The following DCC variants were observed in gnomAD, a reference collection of about 807,000 sequenced individuals.
DCC encodes the protein netrin receptor DCC.
DCC carries 58 observed loss-of-function variants against 172.5 expected under a neutral mutation model. The observed-to-expected ratio is 0.34, with a 90% CI of 0.27 to 0.42. The LOEUF (loss-of-function observed/expected upper bound fraction) is 0.42, where lower values mean the gene tolerates loss of function less well. DCC is among the 10% of genes least tolerant of loss of function. The probability of loss-of-function intolerance (pLI) is 1.00; values close to 1 mark genes in which losing one functional copy is unlikely to be tolerated. For synonymous variants in DCC, 709 were observed against 644.5 expected (o/e 1.10, Z -1.52); for missense variants, 1,740 against 1,791.0 (o/e 0.97, Z 0.51).
chr18:52,561,816 T>G (rs1363028280), intron 1 of DCC, among the ~76,000 whole-genome samples: 1 of 152,224 alleles, frequency 6.6e-6, no homozygotes, highest in African/African-American at 2.4e-5. Context: ...GCCCATTAGC[T>G]GTTACCTGTT....
At chr18:53,263,326 A>G (rs2056628143) in intron 12 of DCC, among the ~76,000 whole-genome samples, 1 of 151,802 alleles carries the variant, frequency 6.6e-6, no homozygotes, top group South Asian at 2.1e-4. Context: ...TAATTTTTAT[A>G]TTTTTAGTAG....
At chr18:53,101,892 G>T (rs760106467) in intron 7 of DCC, among the ~76,000 whole-genome samples, 17 of 151,850 alleles carry the variant, frequency 1.1e-4, no homozygotes, top group Non-Finnish European at 2.2e-4. Context: ...GCATGTAGAA[G>T]TCCCAAGTGC....
chr18:52,440,571 A>G (rs1987942367), intron 1 of DCC, among the ~76,000 whole-genome samples: 1 of 152,242 alleles, frequency 6.6e-6, no homozygotes, highest in Admixed American at 6.5e-5. Context: ...CATAGTAAAC[A>G]GTAAATGCCT....
intron 1 of DCC, among the ~76,000 whole-genome samples, chr18:52,646,369 A>G (rs1159821571): frequency 6.6e-6 from 1 of 152,214 alleles, no homozygotes; most frequent in African/African-American, 2.4e-5. Context: ...CCCCACACCA[A>G]GTAATTCTCC....
At chr18:52,921,127 C>T (rs538529816) in intron 3 of DCC, among the ~76,000 whole-genome samples, 4 of 110,650 alleles carry the variant, frequency 3.6e-5, no homozygotes, top group Admixed American at 1.1e-4. Flanking sequence ...TTGTCAAACC[C>T]ATAGGATTAT....
chr18:53,469,234 G>A lies in DCC; in HGVS notation c.3736+1224G>A, dbSNP rs557475866. ...TTGGTCTTCCTTCCCCATCTTACTC[G>A]CCTGAAAAAAACCTGGTAAAATAAG... On this transcript the variant is annotated intron_variant, in intron 25 of 28. Transcript: ENST00000442544. Among the ~76,000 whole-genome samples the A allele has an allele frequency of 1.4e-3, 215 of 151,778 alleles. 1 individual carries two copies. The highest frequency in any genetic ancestry group is 2.0e-3 in the Non-Finnish European group (137 of 67,938).
intron 1 of DCC, among the ~76,000 whole-genome samples, chr18:52,408,126 C>T (rs899277846): frequency 5.3e-5 from 8 of 151,996 alleles, no homozygotes; most frequent in African/African-American, 7.2e-5. Flanking sequence ...TATGAAAAGT[C>T]CAAAAACTTC....
At chr18:52,925,575 A>G (rs960822252) in intron 5 of DCC, among the ~76,000 whole-genome samples, 5 of 152,144 alleles carry the variant, frequency 3.3e-5, no homozygotes, top group Non-Finnish European at 1.5e-5. Context: ...TAAAATCCAG[A>G]TATATTATGC....
At chr18:52,777,174 C>T (rs78229156) in intron 2 of DCC, among the ~76,000 whole-genome samples, 5,210 of 152,280 alleles carry the variant, frequency 0.034, 129 homozygotes, top group Admixed American at 0.048. Context: ...CATCTCAGTC[C>T]TGTCCTTAAC....
chr18:53,361,295 A>G (rs1354025722), intron 15 of DCC, among the ~76,000 whole-genome samples: 1 of 152,132 alleles, frequency 6.6e-6, no homozygotes, highest in African/African-American at 2.4e-5. Flanking sequence ...AAGTTTGTGT[A>G]TTTGTTATGG....
chr18:52,589,171 A>G (rs1382424546), intron 1 of DCC, among the ~76,000 whole-genome samples: 1 of 152,232 alleles, frequency 6.6e-6, no homozygotes, highest in African/African-American at 2.4e-5. Context: ...AGCAAATTGC[A>G]GAAGGGCTAT....
At position 52,768,774 on chromosome 18, in the gene DCC, A is replaced by G. The variant is rs376653101; in HGVS notation, c.412+16400A>G. On this transcript the variant is annotated intron_variant, in intron 2 of 28. Coordinates refer to ENST00000442544, the MANE Select transcript of DCC (RefSeq NM_005215.4). ...TTTAGCATAGGGAGGTTTTCAGTCA[A>G]TATTATTCAGTAATACGGCTACCCT... Among the ~76,000 whole-genome samples, 4 of 152,132 alleles carry G rather than the reference A, an allele frequency of 2.6e-5. No individual in the cohort carries two copies. In the South Asian group the frequency reaches 6.2e-4, roughly 24 times the overall value.
At chr18:52,681,274 C>G (rs1474367839) in intron 1 of DCC, among the ~76,000 whole-genome samples, 2 of 151,956 alleles carry the variant, frequency 1.3e-5, no homozygotes, top group African/African-American at 4.8e-5. Flanking sequence ...CTCACTGTAC[C>G]CACTCCCTTA....
chr18:52,395,616 G>T (rs12455719), intron 1 of DCC, among the ~76,000 whole-genome samples: 1 of 152,168 alleles, frequency 6.6e-6, no homozygotes, highest in Admixed American at 6.5e-5. Context: ...ATTCTAAGCA[G>T]ATATGAAGTC....
At chr18:52,596,543 TAATCTGTATTTTAGCA>T (rs1199234427) in intron 1 of DCC, among the ~76,000 whole-genome samples, 1 of 152,114 alleles carries the variant, frequency 6.6e-6, no homozygotes. Context: ...TTGGGCTGGG[TAATCTGTATTTTAGCA>T]AGCCCACCAG....
At chr18:52,763,336 C>T (rs190291633) in intron 2 of DCC, among the ~76,000 whole-genome samples, 2 of 152,264 alleles carry the variant, frequency 1.3e-5, no homozygotes, top group East Asian at 3.9e-4. Context: ...TTTGTGGTCC[C>T]TTTTGCAAAG....
intron 1 of DCC, among the ~76,000 whole-genome samples, chr18:52,610,397 A>G (rs1347916027): frequency 7.1e-6 from 1 of 141,444 alleles, no homozygotes; most frequent in African/African-American, 2.6e-5. Context: ...AAAAAAAAAA[A>G]AAAAAAAAAA....
At chr18:53,526,272 T>G (rs562499044) in intron 27 of DCC, among the ~76,000 whole-genome samples, 15 of 152,242 alleles carry the variant, frequency 9.9e-5, no homozygotes, top group African/African-American at 3.6e-4. Flanking sequence ...GCACAGGGCT[T>G]TCTGGCCCTA....
chr18:53,294,668 A>C (rs986387483), intron 12 of DCC, among the ~76,000 whole-genome samples: 1 of 152,230 alleles, frequency 6.6e-6, no homozygotes, highest in Non-Finnish European at 1.5e-5. Context: ...ACCCGGAAAC[A>C]AGGCAGTGTC....
Sources: gnomAD v4.1 joint callset for allele counts (sites outside exome capture counted in the v4.1 genomes callset) on GRCh38, gnomAD v4.1.1 for gene constraint, MANE v1.5 for transcripts, NCBI Gene and HGNC (gene_info 2026-07-23, HGNC 2026-07-21) for gene names.